Variants in CFAP299 observed in about 807,000 individuals in gnomAD.
CFAP299 encodes cilia- and flagella-associated protein 299.
Under a neutral mutation model 27.0 loss-of-function variants are expected in CFAP299, and 21 were observed. The ratio of observed to expected loss-of-function variants is 0.78; its 90% CI spans 0.55 to 1.12. The LOEUF is 1.12. Ranked by LOEUF, CFAP299 falls within the 50% of genes most tolerant of loss-of-function variation. The pLI is 0.00. For synonymous variants in CFAP299, 104 were observed against 98.1 expected, an observed-to-expected ratio of 1.06 and a Z score of -0.36; for missense variants, 310 against 276.6, an observed-to-expected ratio of 1.12 and a Z score of -0.86.
chr4:80,667,869 C>A (rs1372421435), intron 3 of CFAP299, among the ~76,000 whole-genome samples: 1 of 151,964 alleles, frequency 6.6e-6, no homozygotes, highest in African/African-American at 2.4e-5. Context: ...TATGGAAATT[C>A]TTTTTTTAAT....
At chr4:80,534,466 AT>A (rs1353572898) in intron 2 of CFAP299, among the ~76,000 whole-genome samples, 26 of 151,972 alleles carry the variant, frequency 1.7e-4, no homozygotes, top group Non-Finnish European at 3.1e-4. Context: ...CTTAGATACA[AT>A]GCACAATTAA....
At position 80,509,880 on chromosome 4, in the gene CFAP299, A is replaced by G. The variant is rs1400773419; in HGVS notation, c.243-73213A>G. 3.3e-5 allele frequency among the ~76,000 whole-genome samples: 5 copies of G among 149,864 alleles called. No homozygotes were observed. The South Asian group carries it at 1.0e-3, about 31-fold the overall frequency. ...GCCAGATTTTTTTTTTTTTTCTGGC[A>G]GGTTGCATATTGCAGTTTTTAGTTT... On this transcript the variant is annotated intron_variant, in intron 2 of 5. Coordinates refer to ENST00000358105, the MANE Select transcript of CFAP299 (RefSeq NM_152770.3).
At chr4:80,548,194 C>T (rs982994716) in intron 2 of CFAP299, among the ~76,000 whole-genome samples, 14 of 152,032 alleles carry the variant, frequency 9.2e-5, no homozygotes, top group South Asian at 4.1e-4. Context: ...ACTTAGCAGC[C>T]GTGAAAAAGA....
At chr4:80,632,393 A>G (rs558489545) in intron 3 of CFAP299, among the ~76,000 whole-genome samples, 119 of 152,236 alleles carry the variant, frequency 7.8e-4, no homozygotes, top group Middle Eastern at 3.4e-3. Flanking sequence ...AAAAATAGTA[A>G]TTTCCTTTTT....
At chr4:80,458,478 C>A (rs1729276821) in intron 2 of CFAP299, among the ~76,000 whole-genome samples, 2 of 151,898 alleles carry the variant, frequency 1.3e-5, no homozygotes, top group African/African-American at 4.8e-5. Flanking sequence ...TTTTTTCTGC[C>A]TTTTTAAAAA....
At chr4:80,708,006 T>G (rs181089398) in intron 3 of CFAP299, among the ~76,000 whole-genome samples, 1 of 152,148 alleles carries the variant, frequency 6.6e-6, no homozygotes, top group Non-Finnish European at 1.5e-5. Flanking sequence ...TTCTCAACCA[T>G]GAGGAACAAT....
intron 1 of CFAP299, among the ~76,000 whole-genome samples, chr4:80,355,869 T>C (rs1263648943): frequency 2.0e-5 from 3 of 152,220 alleles, no homozygotes; most frequent in Non-Finnish European, 4.4e-5. Context: ...ATTTTTGCTT[T>C]TGTTGCAGTT....
At chr4:80,515,018 C>T (rs567427126) in intron 2 of CFAP299, among the ~76,000 whole-genome samples, 6 of 152,012 alleles carry the variant, frequency 3.9e-5, no homozygotes, top group African/African-American at 7.2e-5. Context: ...AAATTCCTGG[C>T]GATGCAAACT....
At chr4:80,715,629 T>C (rs573281760) in intron 3 of CFAP299, among the ~76,000 whole-genome samples, 1 of 152,202 alleles carries the variant, frequency 6.6e-6, no homozygotes, top group Admixed American at 6.5e-5. Context: ...GGCATATGCT[T>C]TTTAGAAATA....
At chr4:80,868,484 T>C (rs1367571873) in intron 3 of CFAP299, among the ~76,000 whole-genome samples, 1 of 152,174 alleles carries the variant, frequency 6.6e-6, no homozygotes, top group African/African-American at 2.4e-5. Flanking sequence ...TTCTCAGCTT[T>C]CTGTTGAGGC....
At chr4:80,670,804 TTCC>T in intron 3 of CFAP299, among the ~76,000 whole-genome samples, 1 of 152,368 alleles carries the variant, frequency 6.6e-6, no homozygotes, top group East Asian at 1.9e-4. Flanking sequence ...GAAGTGTCTG[TTCC>T]TATCCTTTGC....
intron 1 of CFAP299, among the ~76,000 whole-genome samples, chr4:80,352,177 G>A (rs1441217056): frequency 6.6e-6 from 1 of 152,088 alleles, no homozygotes; most frequent in Non-Finnish European, 1.5e-5. Context: ...TGAAAGAGTA[G>A]ACAAATTCAC....
chr4:80,443,525 A>G (rs754980385), intron 2 of CFAP299, among the ~76,000 whole-genome samples: 3 of 152,196 alleles, frequency 2.0e-5, no homozygotes, highest in Non-Finnish European at 4.4e-5. Context: ...TTGATGGAAC[A>G]TATCTCTAAA....
intron 3 of CFAP299, among the ~76,000 whole-genome samples, chr4:80,702,228 G>A (rs1409026429): frequency 2.0e-5 from 3 of 151,654 alleles, no homozygotes; most frequent in African/African-American, 7.3e-5. Context: ...ACAATAGAGA[G>A]GACATAGTTC....
rs1722802190 is a variant in CFAP299 at position 80,721,392 on chromosome 4, A to G, written c.333+138209A>G. Among the ~76,000 whole-genome samples, 2 of 152,214 alleles carry G rather than the reference A, an allele frequency of 1.3e-5. 1 individual carries two copies. Among genetic ancestry groups the G allele is most frequent in the Admixed American group, 1.3e-4 (2 of 15,280 alleles). On this transcript the variant is annotated intron_variant, in intron 3 of 5. Coordinates refer to ENST00000358105, the MANE Select transcript of CFAP299 (RefSeq NM_152770.3). ...GCTACATGTCTGAGATAAAGCTGGT[A>G]GCTGGTTGATTTTGAGGCTTCTCTC...
rs193219329 is a variant in CFAP299 at position 80,799,797 on chromosome 4, T to A, written c.334-70196T>A. ...ATGATATATATATTATATATTATAT[T>A]ATATAATATATAAATATATATATTA... On this transcript the variant is annotated intron_variant, in intron 3 of 5. Coordinates refer to ENST00000358105, the MANE Select transcript of CFAP299 (RefSeq NM_152770.3). 2.9e-3 allele frequency among the ~76,000 whole-genome samples: 89 copies of A among 30,180 alleles called. 2 individuals are homozygous for A. The highest frequency in any genetic ancestry group is 3.1e-3 in the Non-Finnish European group (65 of 21,060). 19.8% of individuals were successfully genotyped at this position (30,180 alleles called of 152,430 possible).
chr4:80,638,035 G>A (rs1238683765), intron 3 of CFAP299, among the ~76,000 whole-genome samples: 1 of 152,114 alleles, frequency 6.6e-6, no homozygotes, highest in Admixed American at 6.6e-5. Flanking sequence ...AAATTTGGTG[G>A]CTACAGGAAA....
At chr4:80,540,033 G>A (rs1339076615) in intron 2 of CFAP299, among the ~76,000 whole-genome samples, 2 of 151,702 alleles carry the variant, frequency 1.3e-5, no homozygotes, top group African/African-American at 4.9e-5. Flanking sequence ...TAAAAGCTGC[G>A]CTGTCTTAGT....
rs186059094 is a variant in CFAP299, at chr4:80,915,629, G to T, written c.477-29181G>T. 1.7e-3 allele frequency among the ~76,000 whole-genome samples: 262 copies of T among 151,724 alleles called. 1 individual carries two copies. Among genetic ancestry groups the T allele is most frequent in the African/African-American group, 5.6e-3 (231 of 41,390 alleles). On this transcript the variant is annotated intron_variant, in intron 4 of 5. Coordinates refer to ENST00000358105, the MANE Select transcript of CFAP299 (RefSeq NM_152770.3). ...CTCTACCACTCTCCCAGATCCTCCT[G>T]TTATCCATCTCCTCTCCTTCTAGAA... is the stretch of plus-strand genomic sequence containing the variant.
Sources: gnomAD v4.1 joint callset for allele counts (sites outside exome capture counted in the v4.1 genomes callset) on GRCh38, gnomAD v4.1.1 for gene constraint, MANE v1.5 for transcripts, NCBI Gene and HGNC (gene_info 2026-07-23, HGNC 2026-07-21) for gene names.